AKR1C3: variants seen among roughly 807,000 people sequenced by gnomAD.
AKR1C3 encodes aldo-keto reductase family 1 member C3.
Under a neutral mutation model 43.6 loss-of-function variants are expected in AKR1C3, and 48 were observed. The ratio of observed to expected loss-of-function variants is 1.10; its 90% CI spans 0.87 to 1.40. The LOEUF (loss-of-function observed/expected upper bound fraction) is 1.40. Among genes scored for constraint, AKR1C3 ranks in the 40% most tolerant of loss-of-function variants. The pLI is 0.00. For missense variants in AKR1C3, 482 were observed against 391.2 expected, an observed-to-expected ratio of 1.23 and a Z score of -1.96; for synonymous variants, 162 against 139.6, an observed-to-expected ratio of 1.16 and a Z score of -1.13.
chr10:5,092,077 G>C (rs1839103814), upstream of AKR1C3, among the ~76,000 whole-genome samples: 1 of 151,866 alleles, frequency 6.6e-6, no homozygotes. Flanking sequence ...TTGTTGGTTG[G>C]CAGTTTTATT....
intron 8 of AKR1C3, among the ~76,000 whole-genome samples, chr10:5,106,399 C>T (rs1554787244): frequency 1.3e-5 from 2 of 152,098 alleles, no homozygotes; most frequent in Admixed American, 6.6e-5. Context: ...CTTTACTATT[C>T]CTTCATGGTC....
chr10:5,095,579 T>A (rs1839186551), intron 1 of AKR1C3, among the ~76,000 whole-genome samples: 1 of 152,078 alleles, frequency 6.6e-6, no homozygotes, highest in Non-Finnish European at 1.5e-5. Flanking sequence ...TTTAAATACA[T>A]GTAAAAATGA....
intron 1 of AKR1C3, among the ~76,000 whole-genome samples, chr10:5,069,911 G>A (rs149303889): frequency 4.6e-5 from 7 of 151,862 alleles, no homozygotes; most frequent in South Asian, 4.2e-4. Flanking sequence ...CGCCTTCTGC[G>A]CAGGGCAAAT....
At chr10:5,076,140 A>C (rs1838711902) in intron 1 of AKR1C3, among the ~76,000 whole-genome samples, 1 of 152,236 alleles carries the variant, frequency 6.6e-6, no homozygotes, top group South Asian at 2.1e-4. Flanking sequence ...ATGTAACAGT[A>C]GTTCTCAAAT....
At chr10:5,090,105 C>T (rs1399601775), upstream of AKR1C3, among the ~76,000 whole-genome samples, 6 of 152,146 alleles carry the variant, frequency 3.9e-5, no homozygotes, top group African/African-American at 9.6e-5. Flanking sequence ...GGTATATACT[C>T]GATCTTTGTT....
intron 4 of AKR1C3, 44 bp from the exon 5 acceptor site, chr10:5,099,283 C>A: frequency 6.2e-7 from 1 of 1,612,402 alleles, no homozygotes; most frequent in South Asian, 1.1e-5. Flanking sequence ...CCGTGATTTG[C>A]AGCCAACTGC....
chr10:5,055,179 C>T (rs1838234536), intron 1 of AKR1C3, among the ~76,000 whole-genome samples: 1 of 152,242 alleles, frequency 6.6e-6, no homozygotes, highest in Non-Finnish European at 1.5e-5. Context: ...GTGGCATAAC[C>T]TGTCCTTCGT....
chr10:5,079,642 G>A (rs1298878525), intron 1 of AKR1C3, among the ~76,000 whole-genome samples: 1 of 152,058 alleles, frequency 6.6e-6, no homozygotes, highest in Non-Finnish European at 1.5e-5. Context: ...GAGCCCCTGA[G>A]AGACTCACAT....
At chr10:5,054,147 G>GC (rs558701251) in intron 1 of AKR1C3, among the ~76,000 whole-genome samples, 293 of 152,360 alleles carry the variant, frequency 1.9e-3, no homozygotes, top group African/African-American at 6.6e-3. Context: ...AGAAGGTGCA[G>GC]AGTCCTCCTT....
intron 8 of AKR1C3, among the ~76,000 whole-genome samples, chr10:5,106,813 G>A (rs999831229): frequency 2.6e-5 from 4 of 151,862 alleles, no homozygotes; most frequent in African/African-American, 9.7e-5. Context: ...CAAGTGATAG[G>A]GTGAGATAGT....
intron 7 of AKR1C3, among the ~76,000 whole-genome samples, chr10:5,104,275 C>T (rs140525016): frequency 1.3e-5 from 2 of 152,064 alleles, no homozygotes; most frequent in Non-Finnish European, 2.9e-5. Flanking sequence ...ATTTCTTTTT[C>T]AATACTAAGT....
intron 1 of AKR1C3, among the ~76,000 whole-genome samples, chr10:5,059,984 C>T (rs1037928222): frequency 5.9e-5 from 9 of 152,020 alleles, no homozygotes; most frequent in African/African-American, 9.7e-5. Flanking sequence ...GAGTTTATTC[C>T]TTCTGGTGGG....
At chr10:5,072,346 TC>T (rs1448818261) in intron 1 of AKR1C3, among the ~76,000 whole-genome samples, 1 of 152,242 alleles carries the variant, frequency 6.6e-6, no homozygotes, top group Non-Finnish European at 1.5e-5. Flanking sequence ...ACTTCAAGTT[TC>T]TAGGCAAATG....
rs1427909738 is a variant in AKR1C3, at chr10:5,088,256, G to A, written c.85-8154G>A. 2.0e-5 allele frequency among the ~76,000 whole-genome samples: 3 copies of A among 152,226 alleles called. No homozygotes were observed. In the East Asian group the frequency reaches 5.8e-4, roughly 29 times the overall value. ...AACCAAGGATGTGGTCAATTTTTGAGAATGGTTCATGTGCAGGTGAGAAAA... is the reference window on the plus strand; with the variant it reads ...AACCAAGGATGTGGTCAATTTTTGAAAATGGTTCATGTGCAGGTGAGAAAA... On this transcript the variant is annotated intron_variant, in intron 1 of 8. Coordinates refer to the AKR1C3 transcript ENST00000439082.
At chr10:5,089,602 T>C (rs532554322), upstream of AKR1C3, among the ~76,000 whole-genome samples, 3 of 152,240 alleles carry the variant, frequency 2.0e-5, no homozygotes, top group East Asian at 3.9e-4. Context: ...TTTTGGTTTT[T>C]TCCCAAAATA....
intron 5 of AKR1C3, among the ~76,000 whole-genome samples, chr10:5,100,415 A>T (rs1208503757): frequency 6.6e-6 from 1 of 152,196 alleles, no homozygotes; most frequent in Non-Finnish European, 1.5e-5. Context: ...TTAGTCTGCT[A>T]CTTCTCTTTG....
chr10:5,102,766 T>C, intron 7 of AKR1C3, 116 bp downstream of exon 7: 7 of 1,509,480 alleles, frequency 4.6e-6, no homozygotes, highest in Non-Finnish European at 6.2e-6. Flanking sequence ...ATTTCCCATA[T>C]GAATGCTTTG....
chr10:5,061,759 T>A (rs1411352472), intron 1 of AKR1C3, among the ~76,000 whole-genome samples: 2 of 152,198 alleles, frequency 1.3e-5, no homozygotes, highest in Non-Finnish European at 2.9e-5. Flanking sequence ...TACCAACCCA[T>A]CTTTAGAAAA....
At chr10:5,097,665 G>A (rs1839242886) in intron 3 of AKR1C3, 115 bp downstream of exon 3, 1 of 1,578,570 alleles carries the variant, frequency 6.3e-7, no homozygotes, top group Non-Finnish European at 8.6e-7. Context: ...TCACACAGAA[G>A]AAGAACCGTA....
Sources: allele counts gnomAD v4.1 joint callset (sites outside exome capture counted in the v4.1 genomes callset), GRCh38; gene constraint gnomAD v4.1.1; transcripts MANE v1.5; gene names NCBI Gene and HGNC (gene_info 2026-07-23, HGNC 2026-07-21).